The following ADAMTS8 variants were observed in gnomAD, a reference collection of about 807,000 sequenced individuals.
ADAMTS8 encodes the protein A disintegrin and metalloproteinase with thrombospondin motifs 8.
In ADAMTS8, 50 loss-of-function variants were observed where a neutral mutation model predicts 64.4. The observed-to-expected ratio is 0.78, with a 90% CI of 0.62 to 0.98. ADAMTS8 has a LOEUF of 0.98. Ranked by LOEUF, ADAMTS8 falls within the 50% of genes least tolerant of loss-of-function variation. ADAMTS8 has a pLI of 0.00. For missense variants in ADAMTS8, 1,192 were observed against 1,208.2 expected (o/e 0.99, Z 0.20); for synonymous variants, 556 against 533.6 (o/e 1.04, Z -0.58).
chr11:130,416,124 GC>G lies in ADAMTS8; in HGVS notation c.1264+38del. On this transcript the variant is annotated intron_variant, in intron 4 of 8. Transcript: ENST00000257359. This position sits in a 1 kb window ranked among gnomAD's most constrained non-coding sequence, Gnocchi z 4.8. Reference sequence around the variant, plus strand: ...TCTGCGCCAGCACCAGTGGAAGGAGGCCCACGGGGACAAGTAGGGCGGGGCC... The same window carrying G: ...TCTGCGCCAGCACCAGTGGAAGGAGGCCACGGGGACAAGTAGGGCGGGGCC... 2 of 1,523,926 alleles carry G rather than the reference GC, an allele frequency of 1.3e-6. No homozygotes were observed. Among genetic ancestry groups the G allele is most frequent in the Non-Finnish European group, 8.8e-7 (1 of 1,133,018 alleles). The allele number at this position is 1,523,926 out of a possible 1,614,324, so 94.4% of individuals were successfully genotyped here. A position where few individuals can be genotyped will look rare whatever the true frequency, so the allele number is the denominator to read the frequency against.
At chr11:130,427,444 G>T in intron 1 of ADAMTS8, 123 bp downstream of exon 1, 2 of 1,092,866 alleles carry the variant, frequency 1.8e-6, no homozygotes, top group Non-Finnish European at 2.5e-6. Context: ...AAGATGAGTG[G>T]GGAGGGCTTT....
intron 4 of ADAMTS8, among the ~76,000 whole-genome samples, chr11:130,415,222 C>T (rs911699776): frequency 1.3e-5 from 2 of 152,190 alleles, no homozygotes; most frequent in African/African-American, 4.8e-5. Flanking sequence ...TCCCTGTCTC[C>T]CTCAGTGAGA....
At chr11:130,421,873 C>T (rs1222199625) in intron 1 of ADAMTS8, among the ~76,000 whole-genome samples, 3 of 152,156 alleles carry the variant, frequency 2.0e-5, no homozygotes, top group South Asian at 2.1e-4. Context: ...CACCTGGTGC[C>T]GATTTACACC....
intron 1 of ADAMTS8, among the ~76,000 whole-genome samples, chr11:130,423,917 A>T (rs1358686894): frequency 6.6e-6 from 1 of 152,198 alleles, no homozygotes; most frequent in African/African-American, 2.4e-5. Flanking sequence ...CTGAAACCAG[A>T]TAAGAAGGTG....
Position 130,405,166 on chromosome 11 carries a change from A to C in ADAMTS8, c.*392T>G, listed in dbSNP as rs1245728162. On this transcript the variant is annotated 3_prime_UTR_variant, in exon 9 of 9. Transcript: ENST00000257359. ...CCCTGCCCCACGCCTCTCTTGTACT[A>C]ATTTTTTCCCCTGTGAGGTAGATTA... is the stretch of plus-strand genomic sequence containing the variant. The C allele has an allele frequency of 3.0e-6, 3 of 1,005,784 alleles. No homozygotes were observed. Among genetic ancestry groups the C allele is most frequent in the African/African-American group, 1.7e-5 (1 of 57,750 alleles). The allele number at this position is 1,005,784 out of a possible 1,614,324, so 62.3% of individuals were successfully genotyped here.
chr11:130,426,792 G>A (rs1239065850), intron 1 of ADAMTS8, among the ~76,000 whole-genome samples: 4 of 152,206 alleles, frequency 2.6e-5, no homozygotes, highest in Admixed American at 6.5e-5. Flanking sequence ...CCAAGTGTGG[G>A]TCTGGCTTTA....
rs766889244 is a variant in ADAMTS8, at chr11:130,419,083, G to C, written c.930C>G (p.His310Gln). Residue 310 changes from histidine to glutamine, a missense_variant, in exon 2 of 9, where the codon CAC becomes CAG. Physicochemically the swap from His to Gln is conservative, Grantham distance 24. Coordinates refer to ENST00000257359, the MANE Select transcript of ADAMTS8 (RefSeq NM_007037.6). ...TGGTGAGCAGGATGGCCGTGTCGTA[G>C]TGCTCTGGGTGGCGGTCGCTGGGCT... ...FNQPSDRHPEHYDTAILLTRQ... is the reference protein window; with the variant it reads ...FNQPSDRHPEQYDTAILLTRQ... The C allele has an allele frequency of 5.0e-6, 8 of 1,614,072 alleles. No individual in the cohort carries two copies. Among genetic ancestry groups the C allele is most frequent in the Non-Finnish European group, 5.9e-6 (7 of 1,180,052 alleles).
chr11:130,406,301 A>C lies in ADAMTS8; in HGVS notation c.2100-173T>G, dbSNP rs180732413. Among the ~76,000 whole-genome samples the C allele has an allele frequency of 3.2e-3, 493 of 152,318 alleles. 3 individuals carry two copies. The highest frequency in any genetic ancestry group is 6.4e-3 in the Admixed American group (98 of 15,302). ...TAAATTAGCTGTTTAGGCAGACAGA[A>C]ATGTCTGTACATTGGGATTTTCAAG... On this transcript the variant is annotated intron_variant, in intron 8 of 8. Coordinates refer to ENST00000257359, the MANE Select transcript of ADAMTS8 (RefSeq NM_007037.6).
In ADAMTS8 at chr11:130,417,126, C is replaced by T. The variant is rs76206858; in HGVS notation, c.961-51G>A. 25 of 1,604,638 alleles carry T rather than the reference C, an allele frequency of 1.6e-5. 1 individual carries two copies. The highest frequency in any genetic ancestry group is 4.0e-5 in the African/African-American group (3 of 74,772). The stretch of plus-strand genomic sequence containing the variant: ...AGTGCATCAGTGTGTGTGTGGGGTG[C>T]GCTGCAGGCCTGCAGGGCCGGGTGT... On this transcript the variant is annotated intron_variant, in intron 2 of 8. Coordinates refer to ENST00000257359, the MANE Select transcript of ADAMTS8 (RefSeq NM_007037.6).
At chr11:130,414,505 C>T (rs773695754) in intron 5 of ADAMTS8, 26 bp downstream of exon 5, 75 of 1,556,220 alleles carry the variant, frequency 4.8e-5, no homozygotes, top group Middle Eastern at 1.7e-4. Flanking sequence ...TTCCCCTCCC[C>T]GCTATCCTCA....
At chr11:130,426,269 C>T (rs562357688) in intron 1 of ADAMTS8, among the ~76,000 whole-genome samples, 1 of 152,192 alleles carries the variant, frequency 6.6e-6, no homozygotes, top group South Asian at 2.1e-4. Context: ...CTTTCCTACC[C>T]TGCCTTTCCC....
Position 130,416,447 on chromosome 11 carries a change from G to A in ADAMTS8, c.1097-117C>T, listed in dbSNP as rs530446577. The A allele has an allele frequency of 5.9e-6, 7 of 1,194,438 alleles. No individual in the cohort carries two copies. Among genetic ancestry groups the A allele is most frequent in the Non-Finnish European group, 7.9e-6 (7 of 881,478 alleles). 74.0% of individuals were successfully genotyped at this position (1,194,438 alleles called of 1,614,324 possible). A position where few individuals can be genotyped will look rare whatever the true frequency, so the allele number is the denominator to read the frequency against. On this transcript the variant is annotated intron_variant, in intron 3 of 8. Coordinates refer to ENST00000257359, the MANE Select transcript of ADAMTS8 (RefSeq NM_007037.6). The surrounding 1 kb of genome is among the most constrained non-coding windows in gnomAD (Gnocchi z 4.8). ...AGCAGCCACCCCCTCACTCTCCGAA[G>A]ATTTCTGCGTAGGGCTTTCCCCTGC...
At chr11:130,418,605 A>G (rs1173969238) in intron 2 of ADAMTS8, among the ~76,000 whole-genome samples, 1 of 152,246 alleles carries the variant, frequency 6.6e-6, no homozygotes, top group East Asian at 1.9e-4. Flanking sequence ...CCTGGCACAC[A>G]GGATCGCTCT....
At chr11:130,425,603 CTTTTTTT>C (rs113283111) in intron 1 of ADAMTS8, among the ~76,000 whole-genome samples, 8 of 138,746 alleles carry the variant, frequency 5.8e-5, no homozygotes, top group Non-Finnish European at 7.8e-5. Flanking sequence ...TTTCTTTTTT[CTTTTTTT>C]TTTTTTTTAA....
chr11:130,409,557 C>T (rs530451837), intron 6 of ADAMTS8, among the ~76,000 whole-genome samples: 1 of 152,254 alleles, frequency 6.6e-6, no homozygotes, highest in Admixed American at 6.5e-5. Context: ...TGGTATCTCC[C>T]GAACATTTGA....
In ADAMTS8 at chr11:130,405,261, G is replaced by C; in HGVS notation, c.*297C>G. ...GCTAGTCCTTTGCAAACAGACTGAC[G>C]CTGAGTGTCCTGTCTGAGTCAATAA... is the stretch of plus-strand genomic sequence containing the variant. On this transcript the variant is annotated 3_prime_UTR_variant, in exon 9 of 9. Coordinates refer to ENST00000257359, the MANE Select transcript of ADAMTS8 (RefSeq NM_007037.6). The C allele has an allele frequency of 8.5e-7, 1 of 1,179,024 alleles. No individual in the cohort carries two copies. The allele number at this position is 1,179,024 out of a possible 1,614,324, so 73.0% of individuals were successfully genotyped here.
chr11:130,415,945 G>C (rs1862017238), intron 4 of ADAMTS8, among the ~76,000 whole-genome samples: 1 of 152,188 alleles, frequency 6.6e-6, no homozygotes, highest in Admixed American at 6.5e-5. Context: ...ACTTCCCCCT[G>C]CCTTGTGACT....
rs1565376242 is a variant in ADAMTS8 at position 130,414,662 on chromosome 11, T to C, written c.1435A>G (p.Thr479Ala). The C allele has an allele frequency of 1.9e-6, 3 of 1,613,672 alleles. No homozygotes were observed. The highest frequency in any genetic ancestry group is 2.5e-6 in the Non-Finnish European group (3 of 1,180,040). ...TGGCACAGGGGCTCAGCCCCATCAG[T>C]GTGGCACCAAAGCTGGGCGCAGACG... Reference protein sequence around the residue: ...QDVCAQLWCHTDGAEPLCHTK... With the variant: ...QDVCAQLWCHADGAEPLCHTK... The change falls in exon 5 of 9, where the codon ACT becomes GCT. Residue 479 changes from threonine (T) to alanine (A), a missense_variant. By Grantham distance (58) the Thr-to-Ala change is moderately conservative. Transcript: ENST00000257359.
chr11:130,414,739 C>T lies in ADAMTS8; in HGVS notation c.1358G>A (p.Arg453Lys). 1 of 1,613,672 alleles carries T rather than the reference C, an allele frequency of 6.2e-7. No individual in the cohort carries two copies. Among genetic ancestry groups the T allele is most frequent in the Middle Eastern group, 1.7e-4 (1 of 6,060 alleles). Residue 453 changes from arginine (R) to lysine (K), a missense_variant, in exon 5 of 9, where the codon AGG becomes AAG. Arg to Lys is a conservative substitution (Grantham distance 26). Coordinates refer to ENST00000257359, the MANE Select transcript of ADAMTS8 (RefSeq NM_007037.6). ...MALYQLDQQCRQIFGPDFRHC... is the reference protein window; with the variant it reads ...MALYQLDQQCKQIFGPDFRHC... ...GCGGAAATCCGGCCCAAAGATCTGC[C>T]TGCACTGCTGGTCCAGCTGGTACAG...
Sources: gnomAD v4.1 joint callset for allele counts (sites outside exome capture counted in the v4.1 genomes callset) on GRCh38, gnomAD v4.1.1 for gene constraint, Gnocchi (gnomAD v3.1) non-coding constraint, MANE v1.5 for transcripts, NCBI Gene and HGNC (gene_info 2026-07-23, HGNC 2026-07-21) for gene names.